RBL1: variants seen among roughly 807,000 people sequenced by gnomAD.
RBL1 encodes retinoblastoma-like protein 1.
In RBL1, 82 loss-of-function variants were observed where a neutral mutation model predicts 123.0. That is an observed-to-expected ratio of 0.67 (90% CI 0.56 to 0.80). The LOEUF is 0.80. Among genes scored for constraint, RBL1 ranks in the 30% least tolerant of loss-of-function variants. RBL1 has a pLI of 0.00. For missense variants in RBL1, 1,171 were observed against 1,299.6 expected (o/e 0.90, Z 1.52); for synonymous variants, 405 against 441.3 (o/e 0.92, Z 1.03).
intron 12 of RBL1, 45 bp from the exon 13 acceptor site, chr20:37,044,295 G>A (rs751616933): frequency 1.9e-6 from 3 of 1,588,298 alleles, no homozygotes; most frequent in South Asian, 2.2e-5. Flanking sequence ...CAAGCAGTTA[G>A]TTCTAGTCTG....
In RBL1 at chr20:37,020,654, C is replaced by A. The variant is rs2064327556; in HGVS notation, c.2631+5G>T. The A allele has an allele frequency of 6.4e-7, 1 of 1,554,496 alleles. No individual in the cohort carries two copies. The highest frequency in any genetic ancestry group is 2.1e-4 in the Middle Eastern group (1 of 4,784). The stretch of plus-strand genomic sequence containing the variant: ...TTGGACAGTAGGAAAAATAATGTAA[C>A]TCACGTGACTATTAGCTTGGGGCTG... On this transcript the variant is annotated splice_donor_5th_base_variant and intron_variant, in intron 18 of 21. Coordinates refer to ENST00000373664, the MANE Select transcript of RBL1 (RefSeq NM_002895.5).
intron 20 of RBL1, among the ~76,000 whole-genome samples, chr20:37,006,398 G>A (rs1302953595): frequency 6.8e-6 from 1 of 146,728 alleles, no homozygotes; most frequent in African/African-American, 2.5e-5. Flanking sequence ...TCACCATGTT[G>A]GCCAGGCTGG....
At chr20:37,071,938 C>T (rs1174294047) in intron 2 of RBL1, among the ~76,000 whole-genome samples, 1 of 152,170 alleles carries the variant, frequency 6.6e-6, no homozygotes, top group Non-Finnish European at 1.5e-5. Flanking sequence ...ATACGGCCTG[C>T]AGAACCCTGG....
At chr20:37,027,279 C>T (rs1031012143) in intron 16 of RBL1, among the ~76,000 whole-genome samples, 2 of 152,028 alleles carry the variant, frequency 1.3e-5, no homozygotes, top group African/African-American at 4.8e-5. Flanking sequence ...AGGTAGACTG[C>T]AGTGAGACAT....
intron 7 of RBL1, among the ~76,000 whole-genome samples, chr20:37,064,931 C>CTT (rs377383954): frequency 1.5e-4 from 20 of 133,620 alleles, no homozygotes; most frequent in African/African-American, 3.0e-4. Flanking sequence ...CGGCCTCTTT[C>CTT]TTTTTTTTTT....
chr20:37,068,073 A>G lies in RBL1; in HGVS notation c.404T>C (p.Ile135Thr), dbSNP rs1253668936. 3 of 1,613,546 alleles carry G rather than the reference A, an allele frequency of 1.9e-6. No homozygotes were observed. The highest frequency in any genetic ancestry group is 1.7e-5 in the Admixed American group (1 of 59,918). Residue 135 changes from isoleucine to threonine, a missense_variant, in exon 3 of 22, where the codon ATA (isoleucine) becomes ACA (threonine). Ile to Thr is a moderately conservative substitution (Grantham distance 89, BLOSUM62 -1). Coordinates refer to ENST00000373664, the MANE Select transcript of RBL1 (RefSeq NM_002895.5). The part of the protein sequence containing the change: ...LERNFEVSTV[I>T]FKKYEPIFLD... ...AAAAATTGGCTCATATTTTTTGAAT[A>G]TTACAGTAGACACCTCAAAATTTCT...
intron 1 of RBL1, among the ~76,000 whole-genome samples, chr20:37,095,185 T>C (rs1355944871): frequency 6.6e-6 from 1 of 152,192 alleles, no homozygotes; most frequent in Admixed American, 6.5e-5. Context: ...TGAGATCAGC[T>C]TCGTGTGCAC....
chr20:37,070,512 T>C (rs561067910), intron 2 of RBL1, among the ~76,000 whole-genome samples: 3 of 150,606 alleles, frequency 2.0e-5, no homozygotes, highest in Non-Finnish European at 4.4e-5. Context: ...TAAAATAAAA[T>C]TAGTTTGAGG....
chr20:37,016,988 GGGAGA>G (rs1266913883), intron 19 of RBL1, among the ~76,000 whole-genome samples: 1 of 151,346 alleles, frequency 6.6e-6, no homozygotes, highest in African/African-American at 2.4e-5. Context: ...GAGAGGAGAG[GGGAGA>G]GGAGAGAAGA....
chr20:37,091,219 G>C (rs925420542), intron 1 of RBL1, among the ~76,000 whole-genome samples: 1 of 152,062 alleles, frequency 6.6e-6, no homozygotes, highest in Non-Finnish European at 1.5e-5. Flanking sequence ...TTAGCCAGGT[G>C]TGGTGGCGCA....
At chr20:37,032,603 G>T in intron 16 of RBL1, 62 bp downstream of exon 16, 1 of 1,588,998 alleles carries the variant, frequency 6.3e-7, no homozygotes, top group Non-Finnish European at 8.5e-7. Flanking sequence ...GTCTGTCTCT[G>T]TTACTCAATC....
chr20:37,086,631 T>C (rs1180271155), intron 2 of RBL1, among the ~76,000 whole-genome samples: 2 of 152,344 alleles, frequency 1.3e-5, no homozygotes, highest in East Asian at 3.8e-4. Flanking sequence ...GCTCCTCTTC[T>C]ATTCTGGAAA....
chr20:37,047,026 C>T, intron 12 of RBL1, 27 bp downstream of exon 12: 1 of 1,563,036 alleles, frequency 6.4e-7, no homozygotes, highest in South Asian at 1.2e-5. Context: ...GTTTTCATCT[C>T]ATAACAGAAC....
At chr20:37,044,033 G>GTT (rs200990142) in intron 13 of RBL1, 53 bp downstream of exon 13, 12,343 of 902,352 alleles carry the variant, frequency 0.014, no homozygotes, top group South Asian at 0.025. Flanking sequence ...AATAAAGCTG[G>GTT]TTTTTTTTTT....
At chr20:37,004,651 G>A (rs537882673) in intron 20 of RBL1, among the ~76,000 whole-genome samples, 2 of 145,542 alleles carry the variant, frequency 1.4e-5, no homozygotes, top group South Asian at 2.2e-4. Flanking sequence ...AGGCAGAGGT[G>A]TTGCAGTGAG....
chr20:37,095,142 G>A (rs557122828), intron 1 of RBL1, among the ~76,000 whole-genome samples: 2 of 152,374 alleles, frequency 1.3e-5, no homozygotes, highest in South Asian at 4.1e-4. Context: ...AAAGCATCAG[G>A]ACGATGCTCT....
At chr20:37,007,856 G>A (rs1347661717) in intron 19 of RBL1, among the ~76,000 whole-genome samples, 1 of 151,998 alleles carries the variant, frequency 6.6e-6, no homozygotes. Flanking sequence ...CTCTCAAAGT[G>A]CTGGGATTAC....
intron 16 of RBL1, among the ~76,000 whole-genome samples, chr20:37,026,703 C>CA (rs112646063): frequency 0.011 from 1,061 of 97,892 alleles, 2 homozygotes; most frequent in Middle Eastern, 0.041. Flanking sequence ...GACTCCATCT[C>CA]AAAAAAAAAA....
intron 2 of RBL1, among the ~76,000 whole-genome samples, chr20:37,077,167 C>T (rs1263108322): frequency 3.3e-5 from 5 of 152,084 alleles, no homozygotes; most frequent in African/African-American, 1.2e-4. Flanking sequence ...AAACGCCTGA[C>T]CTCGATGATC....
Sources: allele counts gnomAD v4.1 joint callset (sites outside exome capture counted in the v4.1 genomes callset), GRCh38; gene constraint gnomAD v4.1.1; transcripts MANE v1.5; gene names NCBI Gene and HGNC (gene_info 2026-07-23, HGNC 2026-07-21).